The following CCNL2 variants were observed in gnomAD, a reference collection of about 807,000 sequenced individuals.
CCNL2 encodes the protein cyclin L2, also known as cyclin-L2.
CCNL2 carries 28 observed loss-of-function variants against 59.1 expected under a neutral mutation model. The ratio of observed to expected loss-of-function variants is 0.47; its 90% CI spans 0.35 to 0.65. The LOEUF (loss-of-function observed/expected upper bound fraction) is 0.65, where lower values mean the gene tolerates loss of function less well. Among genes scored for constraint, CCNL2 ranks in the 30% least tolerant of loss-of-function variants. CCNL2 has a pLI of 0.00. For synonymous variants in CCNL2, 342 were observed against 288.6 expected (o/e 1.19, Z -1.88); for missense variants, 714 against 717.4 (o/e 1.00, Z 0.05).
Position 1,387,435 on chromosome 1 carries a change from C to G in CCNL2, c.1359G>C (p.Lys453Asn). The change falls in exon 11 of 11, where the codon AAG becomes AAC. Residue 453 changes from lysine to asparagine, a missense_variant. By Grantham distance (94) the Lys-to-Asn change is moderately conservative (BLOSUM62 0). Around this residue, in one of 5 missense-constraint regions of CCNL2, gnomAD observed 403 missense variants for 377.7 expected, o/e 1.07. Transcript: ENST00000400809. ...GAGACTTGTGTGGCTTCTGGGGGTA[C>G]TTGCAGTCCTTGGACTTCCGGGAGC... is the stretch of plus-strand genomic sequence containing the variant. ...IRGSRKSKDC[K>N]YPQKPHKSRS... 1 of 1,613,888 alleles carries G rather than the reference C, an allele frequency of 6.2e-7. No individual in the cohort carries two copies. Among genetic ancestry groups the G allele is most frequent in the Non-Finnish European group, 8.5e-7 (1 of 1,180,018 alleles).
intron 3 of CCNL2, among the ~76,000 whole-genome samples, chr1:1,396,328 G>A (rs547676636): frequency 1.6e-4 from 23 of 143,916 alleles, no homozygotes; most frequent in East Asian, 6.6e-4. Context: ...GTGCAGTGGC[G>A]CGCTCTTGGC....
At chr1:1,389,876 G>A (rs1644669604) in intron 8 of CCNL2, among the ~76,000 whole-genome samples, 1 of 152,032 alleles carries the variant, frequency 6.6e-6, no homozygotes, top group Non-Finnish European at 1.5e-5. Context: ...GGAGAATGGT[G>A]TGAACTCAGG....
At chr1:1,398,807 C>G in intron 1 of CCNL2, 136 bp from the exon 2 acceptor site, 1 of 1,234,156 alleles carries the variant, frequency 8.1e-7, no homozygotes, top group Non-Finnish European at 1.1e-6. Context: ...AGGCTCTTCG[C>G]GTCCCGCCGT....
At position 1,398,680 on chromosome 1, in the gene CCNL2, GAAGA is replaced by G; in HGVS notation, c.289-13_289-10del. On this transcript the variant is annotated splice_polypyrimidine_tract_variant and intron_variant, in intron 1 of 10. Coordinates refer to ENST00000400809, the MANE Select transcript of CCNL2 (RefSeq NM_030937.6). ...CCGGTAGCCATGGCCACCTAGAGTA[GAAGA>G]AAGTTTCCGTATTTTCAAACGCACC... The G allele has an allele frequency of 6.3e-7, 1 of 1,592,414 alleles. No homozygotes were observed. The highest frequency in any genetic ancestry group is 8.6e-7 in the Non-Finnish European group (1 of 1,162,546).
At chr1:1,397,438 T>C (rs1645100783) in intron 3 of CCNL2, among the ~76,000 whole-genome samples, 1 of 152,058 alleles carries the variant, frequency 6.6e-6, no homozygotes, top group South Asian at 2.1e-4. Flanking sequence ...AGATGACAGG[T>C]GTGAGCTCCC....
intron 8 of CCNL2, chr1:1,388,331 C>A (rs1557710137): frequency 2.2e-6 from 1 of 454,636 alleles, no homozygotes; most frequent in South Asian, 2.1e-5. Context: ...GACCATCCTG[C>A]CCAACATGGT....
At chr1:1,393,322 T>G in intron 5 of CCNL2, 74 bp downstream of exon 5, 1 of 1,260,658 alleles carries the variant, frequency 7.9e-7, no homozygotes. Flanking sequence ...GCCTACCCAC[T>G]GCCCAAGTGC....
chr1:1,387,990 C>T lies in CCNL2; in HGVS notation c.1082G>A (p.Gly361Asp). 3.7e-6 allele frequency: 6 copies of T among 1,614,104 alleles called. No individual in the cohort carries two copies. The highest frequency in any genetic ancestry group is 4.2e-6 in the Non-Finnish European group (5 of 1,180,044). The change falls in exon 9 of 11, where the codon GGC (glycine) becomes GAC (aspartate). Residue 361 changes from glycine (G) to aspartate (D), a missense_variant. This residue lies in a region of CCNL2 where 403 missense variants were observed against 377.7 expected (regional missense o/e 1.07). Coordinates refer to ENST00000400809, the MANE Select transcript of CCNL2 (RefSeq NM_030937.6). ...GCTGTCCGCCTTGGCTTTCTTGGCG[C>T]CCTCCAGCCTCCTCTTGGTGTTCTT... ...SVKNTKRRLE[G>D]AKKAKADSPV...
Position 1,387,228 on chromosome 1 carries a change from G to A in CCNL2, c.*3C>T, listed in dbSNP as rs779508370. The A allele has an allele frequency of 1.9e-5, 31 of 1,596,448 alleles. No individual in the cohort carries two copies. Among genetic ancestry groups the A allele is most frequent in the African/African-American group, 9.4e-5 (7 of 74,834 alleles). ...TGCGGCCACCAGTCACTGCAACCCC[G>A]CCTCACCTCCGATGCCTGCTGTGCC... On this transcript the variant is annotated 3_prime_UTR_variant, in exon 11 of 11. Coordinates refer to ENST00000400809, the MANE Select transcript of CCNL2 (RefSeq NM_030937.6).
At chr1:1,392,297 C>T in intron 5 of CCNL2, 1 of 968,386 alleles carries the variant, frequency 1.0e-6, no homozygotes, top group Non-Finnish European at 1.2e-6. Context: ...AACATATAAA[C>T]TTATTGCTGT....
intron 5 of CCNL2, 137 bp downstream of exon 5, chr1:1,393,259 G>A: frequency 1.4e-6 from 1 of 723,522 alleles, no homozygotes; most frequent in Non-Finnish European, 2.5e-6. Flanking sequence ...AATTTATACA[G>A]CAGGAGCACT....
intron 8 of CCNL2, chr1:1,388,351 T>A: frequency 7.1e-6 from 3 of 420,384 alleles, no homozygotes; most frequent in South Asian, 6.3e-5. Flanking sequence ...TGAAACCCCA[T>A]CTCTACTAAA....
rs1264131264 is a variant in CCNL2 at position 1,387,761 on chromosome 1, G to A, written c.1211+16C>T. On this transcript the variant is annotated intron_variant, in intron 10 of 10. Coordinates refer to ENST00000400809, the MANE Select transcript of CCNL2 (RefSeq NM_030937.6). ...ACCCCGGTATCGGCCTCCTGGGTGC[G>A]CCCTGAGGCACACACCTCCTCTTAG... 5.9e-6 allele frequency: 9 copies of A among 1,537,726 alleles called. No individual in the cohort carries two copies. The highest frequency in any genetic ancestry group is 3.7e-5 in the Admixed American group (2 of 54,742).
At position 1,393,174 on chromosome 1, in the gene CCNL2, AG is replaced by A. The variant is rs1644840507; in HGVS notation, c.659+221del. Reference sequence around the variant, plus strand: ...CTGCTCTCTTCAGGGTGGGGGACACAGGAAGTCCAGGCTTGCAGGGAGGGGA... The same window carrying A: ...CTGCTCTCTTCAGGGTGGGGGACACAGAAGTCCAGGCTTGCAGGGAGGGGA... On this transcript the variant is annotated intron_variant, in intron 5 of 10. Coordinates refer to ENST00000400809, the MANE Select transcript of CCNL2 (RefSeq NM_030937.6). 8.5e-6 allele frequency: 5 copies of A among 588,476 alleles called. No individual in the cohort carries two copies. The Admixed American group carries it at 9.0e-5, about 11-fold the overall frequency. The allele number at this position is 588,476 out of a possible 1,614,324, so 36.5% of individuals were successfully genotyped here. A position where few individuals can be genotyped will look rare whatever the true frequency, so the allele number is the denominator to read the frequency against.
In CCNL2 at chr1:1,388,068, A is replaced by G. The variant is rs1472565337; in HGVS notation, c.1007-3T>C. 6.2e-7 allele frequency: 1 copy of G among 1,610,766 alleles called. No individual in the cohort carries two copies. The highest frequency in any genetic ancestry group is 8.5e-7 in the Non-Finnish European group (1 of 1,177,344). ...TTTACCTTCTTTGGGGGATTCCACT[A>G]GAATCAGAACAAGAGGTTAAAAGCC... On this transcript the variant is annotated splice_polypyrimidine_tract_variant and splice_region_variant and intron_variant, in intron 8 of 10. Transcript: ENST00000400809.
Position 1,395,458 on chromosome 1 carries a change from A to G in CCNL2, c.530T>C (p.Ile177Thr), listed in dbSNP as rs1165124611. The part of the protein sequence containing the change: ...QDYVNLKNQI[I>T]KAERRVLKEL... ...TTTGAGAACTCGTCTTTCCGCCTTT[A>G]TAATTTGGTTCTTTAAATTAACATA... Residue 177 changes from isoleucine to threonine, a missense_variant, in exon 4 of 11, where the codon ATA becomes ACA. Ile to Thr is a moderately conservative substitution (Grantham distance 89). Transcript: ENST00000400809. 6.2e-7 allele frequency: 1 copy of G among 1,614,158 alleles called. No individual in the cohort carries two copies.
intron 3 of CCNL2, among the ~76,000 whole-genome samples, chr1:1,396,190 GA>G (rs1285948344): frequency 0.25 from 15,570 of 62,742 alleles, 1,574 homozygotes; most frequent in African/African-American, 0.43. Context: ...GTCCGTCTCA[GA>G]AAAAAAAAAA....
intron 5 of CCNL2, chr1:1,392,607 A>C: frequency 2.8e-6 from 4 of 1,445,440 alleles, no homozygotes; most frequent in Non-Finnish European, 3.6e-6. Flanking sequence ...AAAGCACGAC[A>C]GAGGATTAAC....
At chr1:1,392,126 G>A (rs373102040) in intron 5 of CCNL2, 66 of 212,176 alleles carry the variant, frequency 3.1e-4, no homozygotes, top group African/African-American at 1.4e-3. Flanking sequence ...TGTGGCGGCC[G>A]TGTGGCCCCA....
Sources: gnomAD v4.1 joint callset for allele counts (sites outside exome capture counted in the v4.1 genomes callset) on GRCh38, gnomAD v4.1.1 for gene constraint, gnomAD v4.1.1 regional missense constraint, MANE v1.5 for transcripts, NCBI Gene and HGNC (gene_info 2026-07-23, HGNC 2026-07-21) for gene names.